The following KY variants were observed in gnomAD, a reference collection of about 807,000 sequenced individuals.
KY encodes the protein kyphoscoliosis peptidase.
Under a neutral mutation model 76.1 loss-of-function variants are expected in KY, and 43 were observed. That is an observed-to-expected ratio of 0.57 (90% CI 0.44 to 0.73). KY has a LOEUF of 0.73. KY is among the 30% of genes least tolerant of loss of function. The pLI is 0.00. For synonymous variants in KY, 277 were observed against 326.2 expected, an observed-to-expected ratio of 0.85 and a Z score of 1.63; for missense variants, 722 against 828.9, an observed-to-expected ratio of 0.87 and a Z score of 1.58.
intron 2 of KY, among the ~76,000 whole-genome samples, chr3:134,644,891 T>C (rs767314863): frequency 4.6e-5 from 7 of 152,150 alleles, no homozygotes; most frequent in Non-Finnish European, 1.0e-4. Flanking sequence ...AAGGGCTAGG[T>C]CCACTGTGTA....
chr3:134,610,758 G>A (rs13075253), intron 8 of KY: 60,255 of 176,738 alleles, frequency 0.34, 10,691 homozygotes, highest in Non-Finnish European at 0.37. Flanking sequence ...CAAGAAAATA[G>A]GAGCAGGGGA....
chr3:134,628,002 G>A, intron 4 of KY, 184 bp from the exon 5 acceptor site: 2 of 611,758 alleles, frequency 3.3e-6, no homozygotes. Context: ...ACTTCCTGGT[G>A]TGGCAGAAGG....
chr3:134,629,608 G>T lies in KY; in HGVS notation c.337+13C>A. On this transcript the variant is annotated intron_variant, in intron 4 of 10. Transcript: ENST00000423778. ...TGCCAGCCCTCCACCATGAGTACCT[G>T]TGTCATACATACGTTTAGCCAAGGA... 6.3e-7 allele frequency: 1 copy of T among 1,587,796 alleles called. No individual in the cohort carries two copies. The highest frequency in any genetic ancestry group is 8.6e-7 in the Non-Finnish European group (1 of 1,165,910).
intron 3 of KY, among the ~76,000 whole-genome samples, chr3:134,635,248 G>C (rs1222588268): frequency 6.6e-6 from 1 of 152,162 alleles, no homozygotes; most frequent in Non-Finnish European, 1.5e-5. Context: ...TGTAATCCCA[G>C]CACTTTGGGA....
chr3:134,645,839 T>G (rs1325252866), intron 2 of KY, among the ~76,000 whole-genome samples: 2 of 152,248 alleles, frequency 1.3e-5, no homozygotes, highest in African/African-American at 4.8e-5. Context: ...GGTCTTGTAA[T>G]AGTCAATGTG....
chr3:134,608,523 C>T (rs750871488), intron 10 of KY, 126 bp downstream of exon 10: 2 of 1,584,946 alleles, frequency 1.3e-6, no homozygotes, highest in South Asian at 2.3e-5. Flanking sequence ...AAGCTTTGTG[C>T]TAAGCTCACA....
At chr3:134,608,586 T>G in intron 10 of KY, 63 bp downstream of exon 10, 1 of 1,613,314 alleles carries the variant, frequency 6.2e-7, no homozygotes, top group East Asian at 2.2e-5. Flanking sequence ...GGCGGGCTCC[T>G]GGAGGACAGT....
intron 5 of KY, among the ~76,000 whole-genome samples, chr3:134,626,221 A>C (rs1963426644): frequency 1.3e-5 from 2 of 152,240 alleles, no homozygotes; most frequent in Admixed American, 1.3e-4. Flanking sequence ...TTCAGCCTCC[A>C]TGTCGGGAGC....
intron 10 of KY, among the ~76,000 whole-genome samples, chr3:134,606,400 C>T (rs1228409366): frequency 6.6e-6 from 1 of 152,198 alleles, no homozygotes; most frequent in Non-Finnish European, 1.5e-5. Context: ...GGCCACAACC[C>T]TTCATGCCTC....
At chr3:134,617,490 A>G (rs1301205241) in intron 8 of KY, among the ~76,000 whole-genome samples, 2 of 152,320 alleles carry the variant, frequency 1.3e-5, no homozygotes, top group African/African-American at 2.4e-5. Flanking sequence ...GATAGGATGT[A>G]TGACAACAAC....
chr3:134,620,426 G>A (rs900409211), intron 7 of KY, among the ~76,000 whole-genome samples: 3 of 152,152 alleles, frequency 2.0e-5, no homozygotes, highest in Non-Finnish European at 4.4e-5. Flanking sequence ...TGTTGCTCTG[G>A]GCTCTCATCT....
At chr3:134,627,990 G>C in intron 4 of KY, 172 bp from the exon 5 acceptor site, 1 of 618,504 alleles carries the variant, frequency 1.6e-6, no homozygotes, top group Non-Finnish European at 2.9e-6. Flanking sequence ...GAATTGCCAG[G>C]AACTTCCTGG....
rs772914073 is a variant in KY, at chr3:134,643,302, G to A, written c.262+14C>T. On this transcript the variant is annotated intron_variant, in intron 3 of 10. Coordinates refer to ENST00000423778, the MANE Select transcript of KY (RefSeq NM_178554.6). ...CTCTGCAGGGGAGGTCACGGCTAGC[G>A]GCGAATCACTTACCTTGGCTGTTGT... The A allele has an allele frequency of 2.0e-5, 33 of 1,613,148 alleles. No individual in the cohort carries two copies. Among genetic ancestry groups the A allele is most frequent in the African/African-American group, 5.3e-5 (4 of 74,888 alleles).
intron 2 of KY, among the ~76,000 whole-genome samples, chr3:134,645,593 G>T (rs1966339402): frequency 6.6e-6 from 1 of 152,236 alleles, no homozygotes. Context: ...ATTTCTGCAT[G>T]CATGCAAACG....
intron 3 of KY, 35 bp downstream of exon 3, chr3:134,643,281 G>C: frequency 6.2e-7 from 1 of 1,604,892 alleles, no homozygotes; most frequent in Non-Finnish European, 8.5e-7. Context: ...GCACACCTCT[G>C]CAGGGGAGGT....
At chr3:134,639,267 C>G (rs1404289) in intron 3 of KY, among the ~76,000 whole-genome samples, 53,705 of 151,900 alleles carry the variant, frequency 0.35, 9,844 homozygotes, top group African/African-American at 0.38. Flanking sequence ...GTGACAGGGA[C>G]TGTCTAGCTC....
intron 8 of KY, among the ~76,000 whole-genome samples, chr3:134,611,670 C>T (rs1960484725): frequency 6.6e-6 from 1 of 152,230 alleles, no homozygotes; most frequent in African/African-American, 2.4e-5. Context: ...GTCCCCAACT[C>T]AGTGGTGACC....
Position 134,601,184 on chromosome 3 carries a change from A to C in KY, c.*2395T>G, listed in dbSNP as rs1204373597. 1.3e-5 allele frequency: 2 copies of C among 152,210 alleles called. No homozygotes were observed. Among genetic ancestry groups the C allele is most frequent in the Non-Finnish European group, 2.9e-5 (2 of 68,028 alleles). 9.4% of individuals were successfully genotyped at this position (152,210 alleles called of 1,614,324 possible). On this transcript the variant is annotated 3_prime_UTR_variant, in exon 11 of 11. Coordinates refer to ENST00000423778, the MANE Select transcript of KY (RefSeq NM_178554.6). The stretch of plus-strand genomic sequence containing the variant: ...ATTTCATTTCATGTATTTTTACTTC[A>C]GTGGAAAGAAATGCAGGTGATTTTC...
At chr3:134,609,289 G>A (rs1443146869) in intron 9 of KY, among the ~76,000 whole-genome samples, 2 of 152,204 alleles carry the variant, frequency 1.3e-5, no homozygotes, top group Non-Finnish European at 2.9e-5. Context: ...AGGGCCGACT[G>A]GAGTGCTGCC....
Sources: gnomAD v4.1 joint callset for allele counts (sites outside exome capture counted in the v4.1 genomes callset) on GRCh38, gnomAD v4.1.1 for gene constraint, MANE v1.5 for transcripts, NCBI Gene and HGNC (gene_info 2026-07-23, HGNC 2026-07-21) for gene names.